THEMIS: variants seen among roughly 807,000 people sequenced by gnomAD.
THEMIS encodes protein THEMIS.
A neutral mutation model predicts 52.6 loss-of-function variants in THEMIS; 37 were observed. That is an observed-to-expected ratio of 0.70 (90% CI 0.54 to 0.93). The LOEUF (loss-of-function observed/expected upper bound fraction) is 0.93, where lower values mean the gene tolerates loss of function less well. THEMIS is among the 40% of genes least tolerant of loss of function. The pLI is 0.00. For synonymous variants in THEMIS, 292 were observed against 272.7 expected, an observed-to-expected ratio of 1.07 and a Z score of -0.70; for missense variants, 808 against 763.1, an observed-to-expected ratio of 1.06 and a Z score of -0.69.
chr6:127,730,321 A>G lies in THEMIS; in HGVS notation c.1759-10498T>C, dbSNP rs9491855. ...GAAAAGAAAAGAAAAGAAAAGAGAAAAAAAGAAAAGAAAAGAAAAGAAGAG... is the reference window on the plus strand; with the variant it reads ...GAAAAGAAAAGAAAAGAAAAGAGAAGAAAAGAAAAGAAAAGAAAAGAAGAG... On this transcript the variant is annotated intron_variant, in intron 4 of 5. Transcript: ENST00000368248. Among the ~76,000 whole-genome samples, 407 of 61,422 alleles carry G rather than the reference A, an allele frequency of 6.6e-3. 7 individuals carry two copies. Among genetic ancestry groups the G allele is most frequent in the Middle Eastern group, 0.02 (2 of 100 alleles). The allele number at this position is 61,422 out of a possible 152,430, so 40.3% of individuals were successfully genotyped here. A position where few individuals can be genotyped will look rare whatever the true frequency, so the allele number is the denominator to read the frequency against.
intron 1 of THEMIS, among the ~76,000 whole-genome samples, chr6:127,894,505 A>AAAATAG (rs1780905091): frequency 6.6e-6 from 1 of 151,984 alleles, no homozygotes; most frequent in South Asian, 2.1e-4. Context: ...GGAAACAGTT[A>AAAATAG]AAAATACTTA....
chr6:127,876,652 G>T (rs1186354152), intron 1 of THEMIS, among the ~76,000 whole-genome samples: 1 of 152,086 alleles, frequency 6.6e-6, no homozygotes, highest in Non-Finnish European at 1.5e-5. Flanking sequence ...AGCATATTAA[G>T]CAGGTAAAGG....
chr6:127,898,968 G>A (rs1781054324), intron 1 of THEMIS, among the ~76,000 whole-genome samples: 1 of 151,820 alleles, frequency 6.6e-6, no homozygotes, highest in South Asian at 2.1e-4. Context: ...GTGCTGGGAA[G>A]GGTAGTGGGA....
intron 1 of THEMIS, among the ~76,000 whole-genome samples, chr6:127,875,505 A>G (rs1780288061): frequency 6.6e-6 from 1 of 152,252 alleles, no homozygotes; most frequent in Non-Finnish European, 1.5e-5. Context: ...TGAGACTTCC[A>G]GAGGGACTCC....
intron 4 of THEMIS, among the ~76,000 whole-genome samples, chr6:127,774,969 C>T (rs543896353): frequency 9.2e-5 from 14 of 152,128 alleles, no homozygotes; most frequent in Non-Finnish European, 2.1e-4. Flanking sequence ...AAGAGAACCA[C>T]AATACATACC....
In THEMIS at chr6:127,813,385, T is replaced by A. The variant is rs374014918; in HGVS notation, c.1256A>T (p.Lys419Met). ...AGGGAGCAGCGCAGCCTCATAGGAC[T>A]TTTTGAGGATTTTTTCACAGGCCAG... is the stretch of plus-strand genomic sequence containing the variant. Reference protein sequence around the residue: ...NVLACEKILKKSYEAALLPLY... With the variant: ...NVLACEKILKMSYEAALLPLY... The change falls in exon 4 of 6, where the codon AAG (lysine) becomes ATG (methionine). Residue 419 changes from lysine (K) to methionine (M), a missense_variant. Physicochemically the swap from Lys to Met is moderately conservative, Grantham distance 95. Transcript: ENST00000368248. 1.2e-5 allele frequency: 20 copies of A among 1,613,512 alleles called. No individual in the cohort carries two copies. Among genetic ancestry groups the A allele is most frequent in the Admixed American group, 1.0e-4 (6 of 59,926 alleles).
intron 1 of THEMIS, among the ~76,000 whole-genome samples, chr6:127,917,100 G>T (rs770291576): frequency 1.3e-5 from 2 of 152,220 alleles, no homozygotes; most frequent in Non-Finnish European, 2.9e-5. Flanking sequence ...AAGCTTTTAA[G>T]AGTTGTATTT....
At chr6:127,802,289 G>A (rs1777563080) in intron 4 of THEMIS, among the ~76,000 whole-genome samples, 1 of 152,118 alleles carries the variant, frequency 6.6e-6, no homozygotes, top group South Asian at 2.1e-4. Context: ...ATTTATGAGG[G>A]CAGCACCTGC....
intron 4 of THEMIS, among the ~76,000 whole-genome samples, chr6:127,795,282 A>G (rs1777288760): frequency 6.6e-6 from 1 of 152,204 alleles, no homozygotes; most frequent in African/African-American, 2.4e-5. Context: ...TCCCAAATTA[A>G]TATGCTTAAT....
intron 1 of THEMIS, among the ~76,000 whole-genome samples, chr6:127,889,125 A>G (rs1394046884): frequency 1.3e-5 from 2 of 152,104 alleles, no homozygotes; most frequent in East Asian, 1.9e-4. Context: ...AACATAGGCT[A>G]TTGAAGATTT....
chr6:127,771,016 G>C (rs1290296240), intron 4 of THEMIS, among the ~76,000 whole-genome samples: 2 of 152,140 alleles, frequency 1.3e-5, no homozygotes, highest in Non-Finnish European at 2.9e-5. Context: ...TGTATATTTA[G>C]AAAACCCCAT....
upstream of THEMIS, among the ~76,000 whole-genome samples, chr6:127,903,093 A>T (rs1781185361): frequency 6.6e-6 from 1 of 152,042 alleles, no homozygotes; most frequent in Non-Finnish European, 1.5e-5. Context: ...TTAGTTTCCC[A>T]AGCCGGAAGG....
At position 127,829,622 on chromosome 6, in the gene THEMIS, A is replaced by G. The variant is rs929865179; in HGVS notation, c.563T>C (p.Val188Ala). Residue 188 changes from valine to alanine, a missense_variant, in exon 3 of 6, where the codon GTT becomes GCT. Coordinates refer to ENST00000368248, the MANE Select transcript of THEMIS (RefSeq NM_001010923.3). ...DERIYTLKEI[V>A]EWKIPKNRTR... ...TCTGTTCTTAGGAATCTTCCATTCA[A>G]CAATCTCCTTTAGAGTGTAAATACG... is the stretch of plus-strand genomic sequence containing the variant. 1.9e-6 allele frequency: 3 copies of G among 1,614,138 alleles called. No homozygotes were observed. Among genetic ancestry groups the G allele is most frequent in the Non-Finnish European group, 2.5e-6 (3 of 1,180,016 alleles).
chr6:127,909,477 T>C (rs188965535), intron 1 of THEMIS, among the ~76,000 whole-genome samples: 47 of 152,270 alleles, frequency 3.1e-4, no homozygotes, highest in Admixed American at 5.9e-4. Context: ...CATACTGCCA[T>C]GTGAAGAAGG....
chr6:127,832,303 A>G (rs980209460), intron 2 of THEMIS, among the ~76,000 whole-genome samples: 1 of 152,208 alleles, frequency 6.6e-6, no homozygotes, highest in African/African-American at 2.4e-5. Context: ...TGTGTCTGTG[A>G]ATCTGTGCTT....
intron 2 of THEMIS, among the ~76,000 whole-genome samples, chr6:127,842,316 C>T (rs564742020): frequency 6.6e-6 from 1 of 151,802 alleles, no homozygotes; most frequent in South Asian, 2.1e-4. Flanking sequence ...ATATAATTCT[C>T]CAAATGAAAC....
chr6:127,767,952 T>C (rs539304755), intron 4 of THEMIS, among the ~76,000 whole-genome samples: 13 of 152,296 alleles, frequency 8.5e-5, no homozygotes, highest in South Asian at 4.1e-4. Flanking sequence ...ATGTGGTCCA[T>C]AGTGGATCTA....
intron 3 of THEMIS, among the ~76,000 whole-genome samples, chr6:127,816,270 C>A (rs1778130876): frequency 6.6e-6 from 1 of 151,690 alleles, no homozygotes; most frequent in African/African-American, 2.4e-5. Flanking sequence ...TCTCTTTTTC[C>A]CTCTATCTAC....
At chr6:127,740,119 A>G (rs1305916020) in intron 4 of THEMIS, among the ~76,000 whole-genome samples, 3 of 152,190 alleles carry the variant, frequency 2.0e-5, no homozygotes, top group Non-Finnish European at 4.4e-5. Flanking sequence ...TGATTCCTCC[A>G]GGGAAAGAAG....
Sources: allele counts gnomAD v4.1 joint callset (sites outside exome capture counted in the v4.1 genomes callset), GRCh38; gene constraint gnomAD v4.1.1; transcripts MANE v1.5; gene names NCBI Gene and HGNC (gene_info 2026-07-23, HGNC 2026-07-21).